The following TMEM170B variants were observed in gnomAD, a reference collection of about 807,000 sequenced individuals.
The protein encoded by TMEM170B is transmembrane protein 170B.
A neutral mutation model predicts 13.0 loss-of-function variants in TMEM170B; 6 were observed. That is an observed-to-expected ratio of 0.46 (90% CI 0.25 to 0.91). The LOEUF is 0.91. Ranked by LOEUF, TMEM170B falls within the 40% of genes least tolerant of loss-of-function variation. The pLI is 0.17. For synonymous variants in TMEM170B, 61 were observed against 64.9 expected (o/e 0.94, Z 0.29); for missense variants, 138 against 165.2 (o/e 0.84, Z 0.90).
At chr6:11,545,737 T>TTAA (rs202195870) in intron 1 of TMEM170B, among the ~76,000 whole-genome samples, 2 of 147,348 alleles carry the variant, frequency 1.4e-5, no homozygotes, top group East Asian at 2.0e-4. Flanking sequence ...CCTACTTGTT[T>TTAA]AAAAAAAAAA....
chr6:11,561,655 C>A (rs2113775216), intron 1 of TMEM170B, among the ~76,000 whole-genome samples: 1 of 152,176 alleles, frequency 6.6e-6, no homozygotes, highest in South Asian at 2.1e-4. Context: ...CAAAACCTAA[C>A]ATAACTGTTA....
At chr6:11,558,880 T>C (rs1385499628) in intron 1 of TMEM170B, among the ~76,000 whole-genome samples, 3 of 152,202 alleles carry the variant, frequency 2.0e-5, no homozygotes, top group Admixed American at 6.5e-5. Flanking sequence ...TTGACTATAA[T>C]TTTCAATGGG....
rs546869077 is a variant in TMEM170B at position 11,537,926 on chromosome 6, A to T, written c.-352A>T. ...GTGACCTCGGCCTCCTCGCGTGTCC[A>T]GTCCCCGCGGCGCGGCGCTGCCCCT... On this transcript the variant is annotated 5_prime_UTR_variant, in exon 1 of 3. Coordinates refer to ENST00000379426, the MANE Select transcript of TMEM170B (RefSeq NM_001100829.3). Among the ~76,000 whole-genome samples, 38 of 151,528 alleles carry T rather than the reference A, an allele frequency of 2.5e-4. No homozygotes were observed. Among genetic ancestry groups the T allele is most frequent in the Non-Finnish European group, 4.7e-4 (32 of 67,730 alleles).
intron 1 of TMEM170B, among the ~76,000 whole-genome samples, chr6:11,551,234 A>C: frequency 6.6e-6 from 1 of 152,180 alleles, no homozygotes. Context: ...CATAGACACA[A>C]ACACACAGTA....
chr6:11,552,865 T>G (rs1029868295), intron 1 of TMEM170B, among the ~76,000 whole-genome samples: 2 of 152,180 alleles, frequency 1.3e-5, no homozygotes, highest in African/African-American at 4.8e-5. Context: ...CTACAATTGC[T>G]TATCAGAAAA....
chr6:11,550,161 C>T (rs1001248513), intron 1 of TMEM170B, among the ~76,000 whole-genome samples: 1 of 148,700 alleles, frequency 6.7e-6, no homozygotes, highest in African/African-American at 2.5e-5. Context: ...ATAATCCTGT[C>T]GTGGCTTATA....
intron 1 of TMEM170B, among the ~76,000 whole-genome samples, chr6:11,561,583 G>A (rs540125883): frequency 7.2e-5 from 11 of 152,152 alleles, no homozygotes; most frequent in African/African-American, 2.7e-4. Flanking sequence ...AATCTTTAGG[G>A]TCCCTGTTCA....
chr6:11,563,883 T>C (rs1449319188), intron 1 of TMEM170B, among the ~76,000 whole-genome samples: 1 of 152,248 alleles, frequency 6.6e-6, no homozygotes, highest in East Asian at 1.9e-4. Context: ...GGCAGGAGGA[T>C]CACTTGATCC....
chr6:11,540,446 G>C (rs1344038853), intron 1 of TMEM170B, among the ~76,000 whole-genome samples: 2 of 152,142 alleles, frequency 1.3e-5, no homozygotes, highest in Admixed American at 6.5e-5. Context: ...CACTTTCTTT[G>C]CTCATCCATA....
chr6:11,565,861 G>A, intron 2 of TMEM170B, 25 bp downstream of exon 2: 1 of 1,613,018 alleles, frequency 6.2e-7, no homozygotes, highest in Non-Finnish European at 8.5e-7. Context: ...TTTTGTCTGA[G>A]GATGTAAGTT....
intron 1 of TMEM170B, among the ~76,000 whole-genome samples, chr6:11,545,737 T>TAA (rs60136980): frequency 1.4e-4 from 21 of 147,430 alleles, no homozygotes; most frequent in African/African-American, 5.2e-4. Context: ...CCTACTTGTT[T>TAA]AAAAAAAAAA....
At position 11,576,042 on chromosome 6, in the gene TMEM170B, A is replaced by T. The variant is rs1338708529; in HGVS notation, c.*481A>T. The T allele has an allele frequency of 6.5e-6, 1 of 153,192 alleles. No individual in the cohort carries two copies. The highest frequency in any genetic ancestry group is 1.9e-4 in the East Asian group (1 of 5,236). The allele number at this position is 153,192 out of a possible 1,614,324, so 9.5% of individuals were successfully genotyped here. On this transcript the variant is annotated 3_prime_UTR_variant, in exon 3 of 3. Transcript: ENST00000379426. ...CTAAGATTTTTGTTCGGTAACACTA[A>T]ATCCCGTATGAGTGCTAAATACTGA...
chr6:11,543,423 A>G (rs1759388922), intron 1 of TMEM170B, among the ~76,000 whole-genome samples: 1 of 152,186 alleles, frequency 6.6e-6, no homozygotes, highest in African/African-American at 2.4e-5. Context: ...AAACATGCAA[A>G]TGCTTATTGA....
intron 1 of TMEM170B, among the ~76,000 whole-genome samples, chr6:11,562,895 A>G (rs1759688032): frequency 6.6e-6 from 1 of 152,220 alleles, no homozygotes; most frequent in African/African-American, 2.4e-5. Flanking sequence ...TTTAATAACC[A>G]TACCCTCCTT....
rs1759965349 is a variant in TMEM170B, at chr6:11,582,112, C to T, written c.*6551C>T. The T allele has an allele frequency of 6.6e-6, 1 of 152,078 alleles. No homozygotes were observed. The highest frequency in any genetic ancestry group is 1.5e-5 in the Non-Finnish European group (1 of 67,996). The allele number at this position is 152,078 out of a possible 1,614,324, so 9.4% of individuals were successfully genotyped here. On this transcript the variant is annotated 3_prime_UTR_variant, in exon 3 of 3. Transcript: ENST00000379426. ...ATAGGATTCTACCAAAAATATTAGC[C>T]CCTGACTCTAGTTATTCTGAGATGA...
At chr6:11,569,882 A>G (rs989579032) in intron 2 of TMEM170B, among the ~76,000 whole-genome samples, 1 of 151,186 alleles carries the variant, frequency 6.6e-6, no homozygotes, top group Non-Finnish European at 1.5e-5. Flanking sequence ...CTTTTTATCT[A>G]TTCTTGTAGA....
intron 1 of TMEM170B, among the ~76,000 whole-genome samples, chr6:11,542,366 G>A (rs891433462): frequency 6.6e-6 from 1 of 152,158 alleles, no homozygotes; most frequent in Non-Finnish European, 1.5e-5. Context: ...CAACCATTAA[G>A]CTGATAATAG....
Position 11,580,233 on chromosome 6 carries a change from A to C in TMEM170B, c.*4672A>C, listed in dbSNP as rs1187973502. On this transcript the variant is annotated 3_prime_UTR_variant, in exon 3 of 3. Coordinates refer to ENST00000379426, the MANE Select transcript of TMEM170B (RefSeq NM_001100829.3). ...TCTCTATGTTGGTCAGGCTGGTCTC[A>C]AACTCCCGACCTCAAGGGATCCACC... 6.6e-6 allele frequency: 1 copy of C among 152,080 alleles called. No homozygotes were observed. The allele number at this position is 152,080 out of a possible 1,614,324, so 9.4% of individuals were successfully genotyped here. A position where few individuals can be genotyped will look rare whatever the true frequency, so the allele number is the denominator to read the frequency against.
intron 1 of TMEM170B, among the ~76,000 whole-genome samples, chr6:11,560,526 G>A (rs1437749900): frequency 6.9e-6 from 1 of 145,422 alleles, no homozygotes; most frequent in Non-Finnish European, 1.5e-5. Flanking sequence ...CAGGAGAATC[G>A]TTTGAGCCCA....
Sources: gnomAD v4.1 joint callset for allele counts (sites outside exome capture counted in the v4.1 genomes callset) on GRCh38, gnomAD v4.1.1 for gene constraint, MANE v1.5 for transcripts, NCBI Gene and HGNC (gene_info 2026-07-23, HGNC 2026-07-21) for gene names.